SNX8: variants seen among roughly 807,000 people sequenced by gnomAD.
The protein encoded by SNX8 is sorting nexin 8, also known as sorting nexin-8.
A neutral mutation model predicts 51.6 loss-of-function variants in SNX8; 25 were observed. The observed-to-expected ratio is 0.48, with a 90% CI of 0.35 to 0.68. The LOEUF (loss-of-function observed/expected upper bound fraction) is 0.68, where lower values mean the gene tolerates loss of function less well. Ranked by LOEUF, SNX8 falls within the 30% of genes least tolerant of loss-of-function variation. The probability of loss-of-function intolerance (pLI) is 0.00; values close to 1 mark genes in which losing one functional copy is unlikely to be tolerated. For synonymous variants in SNX8, 324 were observed against 277.0 expected, an observed-to-expected ratio of 1.17 and a Z score of -1.68; for missense variants, 695 against 624.0, an observed-to-expected ratio of 1.11 and a Z score of -1.21.
intron 1 of SNX8, among the ~76,000 whole-genome samples, chr7:2,346,252 G>GAGCAGC (rs530938452): frequency 9.2e-5 from 14 of 151,870 alleles, no homozygotes; most frequent in African/African-American, 3.1e-4. Flanking sequence ...AGAAGTTTGA[G>GAGCAGC]CTCACATAGT....
At chr7:2,315,822 T>A (rs2115217584), upstream of SNX8, among the ~76,000 whole-genome samples, 1 of 149,788 alleles carries the variant, frequency 6.7e-6, no homozygotes, top group African/African-American at 2.5e-5. Flanking sequence ...ACTCACTCAC[T>A]TACTGCATCC....
chr7:2,340,126 G>C (rs1055333481), intron 1 of SNX8, among the ~76,000 whole-genome samples: 1 of 151,060 alleles, frequency 6.6e-6, no homozygotes, highest in African/African-American at 2.4e-5. Flanking sequence ...GCAATGGCAC[G>C]ATCTCAGCTC....
intron 1 of SNX8, among the ~76,000 whole-genome samples, chr7:2,348,118 C>CT (rs1779067585): frequency 6.6e-6 from 1 of 152,024 alleles, no homozygotes; most frequent in Admixed American, 6.6e-5. Flanking sequence ...AAAAAAGAAA[C>CT]TAAGTAAAAA....
At chr7:2,272,316 C>G (rs1795668187) in intron 3 of SNX8, among the ~76,000 whole-genome samples, 1 of 152,170 alleles carries the variant, frequency 6.6e-6, no homozygotes, top group South Asian at 2.1e-4. Context: ...CCTGGCACTT[C>G]TCACTGCAAA....
chr7:2,318,068 C>T (rs894077472), upstream of SNX8, among the ~76,000 whole-genome samples: 3 of 151,996 alleles, frequency 2.0e-5, no homozygotes, highest in Non-Finnish European at 4.4e-5. Flanking sequence ...TTATTAGAGG[C>T]AGGGTCTTGC....
At chr7:2,291,270 A>T (rs1283968544) in intron 1 of SNX8, among the ~76,000 whole-genome samples, 1 of 152,054 alleles carries the variant, frequency 6.6e-6, no homozygotes, top group Non-Finnish European at 1.5e-5. Flanking sequence ...ACTGCAGTCT[A>T]GCCTGGGGAG....
At position 2,329,202 on chromosome 7, in the gene SNX8, C is replaced by T. The variant is rs573967152; in HGVS notation, c.-66+25020G>A. 1.6e-3 allele frequency among the ~76,000 whole-genome samples: 242 copies of T among 151,454 alleles called. 1 individual carries two copies. The highest frequency in any genetic ancestry group is 2.6e-3 in the Admixed American group (39 of 15,152). ...AGGAGAATCGCTTGAACCCAGGAGG[C>T]GGAGGTTACAGTGAGCCAAGACTGC... On this transcript the variant is annotated intron_variant, in intron 1 of 5. Transcript: ENST00000435336.
intron 1 of SNX8, among the ~76,000 whole-genome samples, chr7:2,297,078 C>T (rs146173702): frequency 6.6e-6 from 1 of 152,038 alleles, no homozygotes; most frequent in East Asian, 1.9e-4. Flanking sequence ...AGTCAAAGAA[C>T]AACAGATGTT....
At chr7:2,346,615 G>A (rs555469957) in intron 1 of SNX8, among the ~76,000 whole-genome samples, 128 of 151,356 alleles carry the variant, frequency 8.5e-4, no homozygotes, top group African/African-American at 2.8e-3. Context: ...GCGTGGTGGT[G>A]GGCACCTGTA....
At chr7:2,329,099 C>A (rs534240221) in intron 1 of SNX8, among the ~76,000 whole-genome samples, 328 of 141,058 alleles carry the variant, frequency 2.3e-3, no homozygotes, top group African/African-American at 6.2e-3. Flanking sequence ...AAAAAAAAAA[C>A]AAAACATACA....
chr7:2,316,356 TTCAC>T (rs536802105), upstream of SNX8, among the ~76,000 whole-genome samples: 1,162 of 146,208 alleles, frequency 7.9e-3, 12 homozygotes, highest in African/African-American at 0.016. Flanking sequence ...CATTCATTCA[TTCAC>T]TCACTCACTC....
chr7:2,347,501 A>T lies in SNX8; in HGVS notation c.-66+6721T>A, dbSNP rs902954587. 9.0e-5 allele frequency among the ~76,000 whole-genome samples: 5 copies of T among 55,706 alleles called. No homozygotes were observed. The Admixed American group carries it at 1.0e-3, about 12-fold the overall frequency. 36.5% of individuals were successfully genotyped at this position (55,706 alleles called of 152,430 possible). A position where few individuals can be genotyped will look rare whatever the true frequency, so the allele number is the denominator to read the frequency against. On this transcript the variant is annotated intron_variant, in intron 1 of 5. Coordinates refer to the SNX8 transcript ENST00000435336. ...GTCTCAAAAAAAAAAAAAAAAAAAGAAAAAAAAAAGAGCCTTTGGCTGAAG... is the reference window on the plus strand; with the variant it reads ...GTCTCAAAAAAAAAAAAAAAAAAAGTAAAAAAAAAGAGCCTTTGGCTGAAG...
At chr7:2,346,912 A>G (rs1278697737) in intron 1 of SNX8, among the ~76,000 whole-genome samples, 1 of 132,756 alleles carries the variant, frequency 7.5e-6, no homozygotes, top group Non-Finnish European at 1.6e-5. Context: ...AGAGATTGAG[A>G]CTCCGTCTCA....
At position 2,255,105 on chromosome 7, in the gene SNX8, G is replaced by A; in HGVS notation, c.1349C>T (p.Thr450Ile). The change falls in exon 11 of 11, where the codon ACC (threonine) becomes ATC (isoleucine). Residue 450 changes from threonine to isoleucine, a missense_variant. Thr to Ile is a moderately conservative substitution (Grantham distance 89). Transcript: ENST00000222990. The part of the protein sequence containing the change: ...LSCLFAGPHS[T>I]LTPPCSPPED... The stretch of plus-strand genomic sequence containing the variant: ...CGGCGGGGAGCACGGTGGGGTCAGG[G>A]TGCTGTGTGGTCCCGCAAAGAGGCA... 1.3e-6 allele frequency: 2 copies of A among 1,580,754 alleles called. No homozygotes were observed. Among genetic ancestry groups the A allele is most frequent in the South Asian group, 2.3e-5 (2 of 86,204 alleles).
intron 1 of SNX8, among the ~76,000 whole-genome samples, chr7:2,329,979 T>G (rs1778699857): frequency 9.7e-6 from 1 of 103,534 alleles, no homozygotes; most frequent in Non-Finnish European, 1.8e-5. Context: ...AGATTACAGG[T>G]GCATGCCACC....
intron 1 of SNX8, among the ~76,000 whole-genome samples, chr7:2,285,151 G>T (rs1401968960): frequency 6.7e-6 from 1 of 149,464 alleles, no homozygotes; most frequent in African/African-American, 2.5e-5. Context: ...GGCAGAAGTT[G>T]CAGTGAGCCG....
chr7:2,296,707 G>C (rs561495988), intron 1 of SNX8, among the ~76,000 whole-genome samples: 1 of 151,958 alleles, frequency 6.6e-6, no homozygotes, highest in South Asian at 2.1e-4. Flanking sequence ...GAGGCGGGTG[G>C]ATCACCTGAG....
chr7:2,315,751 CACTT>C (rs199804878), upstream of SNX8, among the ~76,000 whole-genome samples: 150 of 150,708 alleles, frequency 1.0e-3, 4 homozygotes, highest in East Asian at 9.8e-3. Context: ...CCCACTCACT[CACTT>C]ACTGCATCCT....
upstream of SNX8, among the ~76,000 whole-genome samples, chr7:2,318,761 C>G (rs1796792271): frequency 6.6e-6 from 1 of 151,460 alleles, no homozygotes; most frequent in Non-Finnish European, 1.5e-5. Context: ...CCTGTAATTC[C>G]AACACTTTGG....
Sources: allele counts gnomAD v4.1 joint callset (sites outside exome capture counted in the v4.1 genomes callset), GRCh38; gene constraint gnomAD v4.1.1; transcripts MANE v1.5; gene names NCBI Gene and HGNC (gene_info 2026-07-23, HGNC 2026-07-21).